The following MACROD2 variants were observed in gnomAD, a reference collection of about 807,000 sequenced individuals.
The protein encoded by MACROD2 is mono-ADP ribosylhydrolase 2.
Under a neutral mutation model 70.4 loss-of-function variants are expected in MACROD2, and 36 were observed. That is an observed-to-expected ratio of 0.51 (90% CI 0.39 to 0.68). The LOEUF is 0.68. Ranked by LOEUF, MACROD2 falls within the 30% of genes least tolerant of loss-of-function variation. The pLI is 0.00. For missense variants in MACROD2, 496 were observed against 538.4 expected (o/e 0.92, Z 0.78); for synonymous variants, 172 against 178.8 (o/e 0.96, Z 0.30).
chr20:15,426,249 A>T (rs1470001410), intron 6 of MACROD2, among the ~76,000 whole-genome samples: 1 of 151,838 alleles, frequency 6.6e-6, no homozygotes, highest in Non-Finnish European at 1.5e-5. Flanking sequence ...AATCTGCTTG[A>T]TATCAACATG....
intron 8 of MACROD2, among the ~76,000 whole-genome samples, chr20:15,714,105 A>G (rs1040038448): frequency 3.3e-5 from 5 of 151,946 alleles, no homozygotes; most frequent in Non-Finnish European, 7.4e-5. Flanking sequence ...GCCCTAAATT[A>G]GTGTGTTTAA....
intron 7 of MACROD2, among the ~76,000 whole-genome samples, chr20:15,476,100 T>C (rs2047019031): frequency 6.6e-6 from 1 of 152,220 alleles, no homozygotes. Context: ...TAAGTTGTAA[T>C]ACAAAGATAA....
At chr20:15,280,206 G>A (rs1033358218) in intron 6 of MACROD2, among the ~76,000 whole-genome samples, 22 of 152,192 alleles carry the variant, frequency 1.4e-4, no homozygotes, top group Non-Finnish European at 2.9e-5. Context: ...AATGCATAAA[G>A]ATGGTTGGGT....
chr20:14,732,903 T>C (rs1246437689), intron 5 of MACROD2, among the ~76,000 whole-genome samples: 1 of 152,046 alleles, frequency 6.6e-6, no homozygotes, highest in African/African-American at 2.4e-5. Context: ...TGAAGAAGAG[T>C]TTGGAATGCT....
chr20:14,201,823 G>C (rs1400896416), intron 3 of MACROD2, among the ~76,000 whole-genome samples: 1 of 147,684 alleles, frequency 6.8e-6, no homozygotes, highest in Non-Finnish European at 1.5e-5. Flanking sequence ...TGGTGACAGA[G>C]TGAGATTCCA....
At chr20:15,778,417 AT>A (rs1568556269) in intron 8 of MACROD2, among the ~76,000 whole-genome samples, 1 of 152,068 alleles carries the variant, frequency 6.6e-6, no homozygotes, top group Non-Finnish European at 1.5e-5. Context: ...ACTCTTTAAA[AT>A]TTTTTAAATT....
intron 3 of MACROD2, among the ~76,000 whole-genome samples, chr20:14,370,408 T>G (rs567766790): frequency 6.6e-6 from 1 of 152,328 alleles, no homozygotes; most frequent in East Asian, 1.9e-4. Context: ...TTGTTTGGGT[T>G]TGGGAATACC....
intron 6 of MACROD2, among the ~76,000 whole-genome samples, chr20:15,293,903 A>G (rs1665538577): frequency 6.6e-6 from 1 of 152,142 alleles, no homozygotes; most frequent in South Asian, 2.1e-4. Flanking sequence ...GGATCACCTG[A>G]GGTCAGGAGT....
intron 5 of MACROD2, among the ~76,000 whole-genome samples, chr20:15,177,789 T>A (rs1259102583): frequency 6.6e-6 from 1 of 152,194 alleles, no homozygotes. Flanking sequence ...CTCAGTTACT[T>A]TTGACAAAGA....
chr20:14,197,315 T>G (rs997166802), intron 3 of MACROD2, among the ~76,000 whole-genome samples: 3 of 152,190 alleles, frequency 2.0e-5, no homozygotes, highest in Non-Finnish European at 2.9e-5. Context: ...AAAACTATGC[T>G]GTGGTTAATT....
chr20:14,408,344 C>A, intron 3 of MACROD2, among the ~76,000 whole-genome samples: 1 of 152,114 alleles, frequency 6.6e-6, no homozygotes, highest in East Asian at 1.9e-4. Context: ...GTTTGTTTCT[C>A]ACACCAACTT....
intron 3 of MACROD2, among the ~76,000 whole-genome samples, chr20:14,287,410 G>C (rs1240963569): frequency 6.6e-6 from 1 of 150,636 alleles, no homozygotes; most frequent in Non-Finnish European, 1.5e-5. Flanking sequence ...TGATGATGAT[G>C]ATGATCATGG....
rs753035871 is a variant in MACROD2 at position 14,648,621 on chromosome 20, C to CATATATATATATAT, written c.302-36219_302-36206dup. ...TTTGCCTCTTCTTTGTTTATTTAAA[C>CATATATATATATAT]ATATATATATATATATCTATCTATC... is the stretch of plus-strand genomic sequence containing the variant. On this transcript the variant is annotated intron_variant, in intron 4 of 17. Transcript: ENST00000684519. Among the ~76,000 whole-genome samples the CATATATATATATAT allele has an allele frequency of 6.6e-3, 979 of 148,564 alleles. 12 individuals are homozygous for CATATATATATATAT. The highest frequency in any genetic ancestry group is 0.014 in the Middle Eastern group (4 of 284).
intron 8 of MACROD2, among the ~76,000 whole-genome samples, chr20:15,664,761 A>G (rs1277812260): frequency 2.0e-5 from 3 of 152,178 alleles, no homozygotes; most frequent in Admixed American, 1.3e-4. Flanking sequence ...GCACAAGTGC[A>G]GACCCAGCCT....
At chr20:14,681,914 C>A (rs921898424) in intron 4 of MACROD2, among the ~76,000 whole-genome samples, 1 of 152,100 alleles carries the variant, frequency 6.6e-6, no homozygotes, top group Non-Finnish European at 1.5e-5. Context: ...TGAATGTAAG[C>A]AAGTTACTAA....
chr20:15,284,809 A>G (rs1335459770), intron 6 of MACROD2, among the ~76,000 whole-genome samples: 1 of 152,196 alleles, frequency 6.6e-6, no homozygotes, highest in Non-Finnish European at 1.5e-5. Context: ...AAGCCCCATG[A>G]CTGCCATTTT....
intron 3 of MACROD2, among the ~76,000 whole-genome samples, chr20:14,160,379 A>G (rs1164854356): frequency 6.6e-6 from 1 of 152,160 alleles, no homozygotes; most frequent in Non-Finnish European, 1.5e-5. Flanking sequence ...AAAACTTGTT[A>G]CTACTGACTC....
At chr20:15,558,396 A>G (rs550379229) in intron 8 of MACROD2, among the ~76,000 whole-genome samples, 1 of 152,346 alleles carries the variant, frequency 6.6e-6, no homozygotes, top group East Asian at 1.9e-4. Context: ...AGGTTGTTGC[A>G]AAAGTAATAG....
At chr20:14,856,543 C>T (rs937976581) in intron 5 of MACROD2, among the ~76,000 whole-genome samples, 1 of 152,140 alleles carries the variant, frequency 6.6e-6, no homozygotes, top group Non-Finnish European at 1.5e-5. Context: ...GTGTGAATAA[C>T]AAGGCAATCC....
Sources: allele counts gnomAD v4.1 joint callset (sites outside exome capture counted in the v4.1 genomes callset), GRCh38; gene constraint gnomAD v4.1.1; transcripts MANE v1.5; gene names NCBI Gene and HGNC (gene_info 2026-07-23, HGNC 2026-07-21).